The following ARFGEF1 variants were observed in gnomAD, a reference collection of about 807,000 sequenced individuals.
ARFGEF1 encodes ARF guanine nucleotide exchange factor 1.
In ARFGEF1, 42 loss-of-function variants were observed where a neutral mutation model predicts 231.0. The ratio of observed to expected loss-of-function variants is 0.18; its 90% CI spans 0.14 to 0.24. ARFGEF1 has a LOEUF of 0.24. Ranked by LOEUF, ARFGEF1 falls within the 10% of genes least tolerant of loss-of-function variation. The pLI, the probability that ARFGEF1 is intolerant of heterozygous loss-of-function variation, is 1.00. For missense variants in ARFGEF1, 1,345 were observed against 2,192.0 expected (o/e 0.61, Z 7.72); for synonymous variants, 710 against 732.3 (o/e 0.97, Z 0.49).
Position 67,257,757 on chromosome 8 carries a change from A to G in ARFGEF1, c.2501T>C (p.Leu834Ser). 1 of 1,609,824 alleles carries G rather than the reference A, an allele frequency of 6.2e-7. No homozygotes were observed. Among genetic ancestry groups the G allele is most frequent in the Non-Finnish European group, 8.5e-7 (1 of 1,178,634 alleles). The change falls in exon 17 of 39, where the codon TTG becomes TCG. Residue 834 changes from leucine to serine, a missense_variant. Transcript: ENST00000262215. ...CTGTGGACTGTGAAGGTCTGTGGTC[A>G]ACATGATAATTGAATAAGCCAAAAC... The part of the protein sequence containing the change: ...AYVLAYSIIM[L>S]TTDLHSPQVK...
intron 34 of ARFGEF1, among the ~76,000 whole-genome samples, chr8:67,209,465 G>A (rs762487616): frequency 6.6e-6 from 1 of 152,192 alleles, no homozygotes; most frequent in African/African-American, 2.4e-5. Flanking sequence ...GGGCTGGGGG[G>A]CTCCCTTTAG....
chr8:67,177,091 A>G (rs1362259097), intron 5 of ARFGEF1, among the ~76,000 whole-genome samples: 2 of 151,988 alleles, frequency 1.3e-5, no homozygotes, highest in African/African-American at 2.4e-5. Context: ...AAAAAAAAAA[A>G]AAGAATATGG....
rs12675683 is a variant in ARFGEF1 at position 67,208,953 on chromosome 8, G to C, written c.4819+2530C>G. ...ATTTAACAACAACAAAAAAGGCGCTGGCAAAGATGTGGAAAAACTGGAATT... is the reference window on the plus strand; with the variant it reads ...ATTTAACAACAACAAAAAAGGCGCTCGCAAAGATGTGGAAAAACTGGAATT... On this transcript the variant is annotated intron_variant, in intron 34 of 38. Coordinates refer to ENST00000262215, the MANE Select transcript of ARFGEF1 (RefSeq NM_006421.5). Among the ~76,000 whole-genome samples the C allele has an allele frequency of 7.2e-5, 11 of 152,270 alleles. No homozygotes were observed. In the East Asian group the frequency reaches 2.1e-3, roughly 29 times the overall value.
intron 4 of ARFGEF1, among the ~76,000 whole-genome samples, chr8:67,296,977 T>C (rs1364433991): frequency 6.6e-6 from 1 of 151,906 alleles, no homozygotes; most frequent in Non-Finnish European, 1.5e-5. Context: ...GCATCTAGAG[T>C]TTCAGCACAA....
chr8:67,189,308 G>A (rs938540810), intron 5 of ARFGEF1, among the ~76,000 whole-genome samples: 5 of 152,104 alleles, frequency 3.3e-5, no homozygotes, highest in Non-Finnish European at 7.4e-5. Context: ...AAAGAAACTG[G>A]CACACAGATA....
At chr8:67,220,881 GTCTT>G (rs1391565874) in intron 29 of ARFGEF1, among the ~76,000 whole-genome samples, 1 of 147,272 alleles carries the variant, frequency 6.8e-6, no homozygotes, top group African/African-American at 2.6e-5. Context: ...TGTGGAAAAT[GTCTT>G]TTTTTCCTTT....
At chr8:67,240,974 C>A (rs1839909865) in intron 19 of ARFGEF1, among the ~76,000 whole-genome samples, 1 of 152,016 alleles carries the variant, frequency 6.6e-6, no homozygotes, top group South Asian at 2.1e-4. Context: ...AAATACATAA[C>A]CTTGAAATGT....
At chr8:67,233,039 G>T in intron 22 of ARFGEF1, 94 bp from the exon 23 acceptor site, 1 of 1,037,038 alleles carries the variant, frequency 9.6e-7, no homozygotes, top group Non-Finnish European at 1.4e-6. Flanking sequence ...GAAATCAACT[G>T]CTTTCCTAAT....
At chr8:67,333,326 C>G (rs1343479334) in intron 1 of ARFGEF1, among the ~76,000 whole-genome samples, 1 of 144,136 alleles carries the variant, frequency 6.9e-6, no homozygotes, top group African/African-American at 2.6e-5. Flanking sequence ...AGCCACCATG[C>G]CTGGCCTTTT....
At chr8:67,256,019 G>C (rs1840442099) in intron 17 of ARFGEF1, among the ~76,000 whole-genome samples, 1 of 152,202 alleles carries the variant, frequency 6.6e-6, no homozygotes, top group South Asian at 2.1e-4. Flanking sequence ...TATTCATTTA[G>C]AGAACCAAAT....
At position 67,288,364 on chromosome 8, in the gene ARFGEF1, A is replaced by T. The variant is rs532250373; in HGVS notation, c.917-299T>A. 4.6e-5 allele frequency among the ~76,000 whole-genome samples: 7 copies of T among 152,368 alleles called. No homozygotes were observed. The South Asian group carries it at 8.3e-4, about 18-fold the overall frequency. Reference sequence around the variant, plus strand: ...AAAACTTCAAAAACTATTTTAAATGAAACATTTCTAACATGTCCTACAGAT... The same window carrying T: ...AAAACTTCAAAAACTATTTTAAATGTAACATTTCTAACATGTCCTACAGAT... On this transcript the variant is annotated intron_variant, in intron 6 of 38. Coordinates refer to ENST00000262215, the MANE Select transcript of ARFGEF1 (RefSeq NM_006421.5).
chr8:67,287,742 T>C (rs1805819631), intron 7 of ARFGEF1, among the ~76,000 whole-genome samples: 1 of 152,246 alleles, frequency 6.6e-6, no homozygotes, highest in Admixed American at 6.5e-5. Flanking sequence ...AAAGCATAGT[T>C]CTGGTCATTT....
At chr8:67,235,082 A>T (rs747150389) in intron 22 of ARFGEF1, among the ~76,000 whole-genome samples, 18 of 145,636 alleles carry the variant, frequency 1.2e-4, no homozygotes, top group Non-Finnish European at 2.4e-4. Context: ...ATATATATAT[A>T]TATGTGTGTG....
downstream of ARFGEF1, among the ~76,000 whole-genome samples, chr8:67,197,231 A>G (rs2129576998): frequency 6.6e-6 from 1 of 152,248 alleles, no homozygotes; most frequent in South Asian, 2.1e-4. Context: ...GGATCACTTC[A>G]GGTCCAAGAG....
At chr8:67,228,305 CT>C (rs1431974006) in intron 23 of ARFGEF1, 41 bp from the exon 24 acceptor site, 1 of 1,564,226 alleles carries the variant, frequency 6.4e-7, no homozygotes, top group Non-Finnish European at 8.8e-7. Context: ...TTATAAGTTA[CT>C]GTTCTTATTC....
intron 27 of ARFGEF1, among the ~76,000 whole-genome samples, chr8:67,226,576 TG>T (rs1268256214): frequency 1.3e-5 from 2 of 152,150 alleles, no homozygotes; most frequent in African/African-American, 4.8e-5. Context: ...AAGTGCTTAG[TG>T]TAATACTTAA....
At position 67,259,897 on chromosome 8, in the gene ARFGEF1, T is replaced by C. The variant is rs1840585550; in HGVS notation, c.2153A>G (p.Gln718Arg). 2.5e-6 allele frequency: 4 copies of C among 1,609,692 alleles called. No individual in the cohort carries two copies. Among genetic ancestry groups the C allele is most frequent in the South Asian group, 1.1e-5 (1 of 90,254 alleles). Residue 718 changes from glutamine (Q) to arginine (R), a missense_variant, in exon 15 of 39, where the codon CAG becomes CGG. By Grantham distance (43) the Gln-to-Arg change is conservative. This residue lies in a region of ARFGEF1 where 105 missense variants were observed against 159.3 expected (regional missense o/e 0.66). Coordinates refer to ENST00000262215, the MANE Select transcript of ARFGEF1 (RefSeq NM_006421.5). ...AAGCATCCCTTGTTCTTGGAGGTAC[T>C]GTATTCCTCTCTTTGGTTTCTTATT... ...LFNKKPKRGI[Q>R]YLQEQGMLGT... is the part of the protein sequence containing the mutation.
rs1171094500 is a variant in ARFGEF1 at position 67,295,598 on chromosome 8, T to C, written c.639+833A>G. Among the ~76,000 whole-genome samples the C allele has an allele frequency of 2.0e-5, 3 of 152,058 alleles. No homozygotes were observed. The East Asian group carries it at 5.8e-4, about 29-fold the overall frequency. On this transcript the variant is annotated intron_variant, in intron 5 of 38. Coordinates refer to ENST00000262215, the MANE Select transcript of ARFGEF1 (RefSeq NM_006421.5). ...AAAAATAGCAAGATCATGAAAAAGA[T>C]AAGGAAAAGTTGAGGAACTGTCACA...
rs59530693 is a variant in ARFGEF1, at chr8:67,210,154, C to CAA, written c.4819+1327_4819+1328dup. On this transcript the variant is annotated intron_variant, in intron 34 of 38. Coordinates refer to ENST00000262215, the MANE Select transcript of ARFGEF1 (RefSeq NM_006421.5). ...TGGGTGACAGAGCAAGACTCCGTCTCAAAAAAAAAAAAAAAAAAAAGAAAA... is the reference window on the plus strand; with the variant it reads ...TGGGTGACAGAGCAAGACTCCGTCTCAAAAAAAAAAAAAAAAAAAAAAGAAAA... 1.6e-3 allele frequency among the ~76,000 whole-genome samples: 87 copies of CAA among 53,780 alleles called. 1 individual carries two copies. Among genetic ancestry groups the CAA allele is most frequent in the African/African-American group, 2.9e-3 (50 of 17,296 alleles). The allele number at this position is 53,780 out of a possible 152,430, so 35.3% of individuals were successfully genotyped here. A position where few individuals can be genotyped will look rare whatever the true frequency, so the allele number is the denominator to read the frequency against.
Sources: allele counts gnomAD v4.1 joint callset (sites outside exome capture counted in the v4.1 genomes callset), GRCh38; gene constraint gnomAD v4.1.1; regional missense constraint gnomAD v4.1.1; transcripts MANE v1.5; gene names NCBI Gene and HGNC (gene_info 2026-07-23, HGNC 2026-07-21).